The following PCDHA9 variants were observed in gnomAD, a reference collection of about 807,000 sequenced individuals.
PCDHA9 encodes the protein protocadherin alpha-9.
In PCDHA9, 62 loss-of-function variants were observed where a neutral mutation model predicts 62.0. The observed-to-expected ratio is 1.00, with a 90% confidence interval of 0.81 to 1.23. PCDHA9 has a LOEUF of 1.23. Ranked by LOEUF, PCDHA9 falls within the 50% of genes most tolerant of loss-of-function variation. The pLI is 0.00. For synonymous variants in PCDHA9, 557 were observed against 567.6 expected, an observed-to-expected ratio of 0.98 and a Z score of 0.27; for missense variants, 1,205 against 1,249.8, an observed-to-expected ratio of 0.96 and a Z score of 0.54.
intron 1 of PCDHA9, chr5:140,851,710 G>C: frequency 1.0e-6 from 1 of 958,600 alleles, no homozygotes; most frequent in Non-Finnish European, 1.3e-6. Context: ...GCCATGTGAA[G>C]ATTCGAAACT....
intron 1 of PCDHA9, chr5:140,883,325 A>C: frequency 6.2e-7 from 1 of 1,614,118 alleles, no homozygotes; most frequent in Non-Finnish European, 8.5e-7. Context: ...GGTTACCATC[A>C]CTTCTTTGTC....
At chr5:140,967,221 A>G (rs1198233262) in intron 1 of PCDHA9, 3 of 1,613,620 alleles carry the variant, frequency 1.9e-6, no homozygotes, top group African/African-American at 1.3e-5. Context: ...CCGCGGCCCA[A>G]CTACCAGCTT....
At position 140,851,057 on chromosome 5, in the gene PCDHA9, C is replaced by T; in HGVS notation, c.2394+168C>T. The T allele has an allele frequency of 2.9e-6, 4 of 1,378,132 alleles. No homozygotes were observed. In the African/African-American group the frequency reaches 4.4e-5, roughly 15 times the overall value. 85.4% of individuals were successfully genotyped at this position (1,378,132 alleles called of 1,614,324 possible). ...AACATTGGAGCCGACTTTGTCTTGA[C>T]TTCTAGTGAGAATTATAAACTGTAT... On this transcript the variant is annotated intron_variant, in intron 1 of 3. Transcript: ENST00000532602.
intron 1 of PCDHA9, among the ~76,000 whole-genome samples, chr5:140,945,463 A>G (rs1554216960): frequency 6.6e-6 from 1 of 152,166 alleles, no homozygotes; most frequent in African/African-American, 2.4e-5. Flanking sequence ...TAAAATTTGC[A>G]TGGAACCACA....
intron 1 of PCDHA9, chr5:140,926,754 C>T: frequency 1.6e-6 from 2 of 1,283,492 alleles, no homozygotes; most frequent in Non-Finnish European, 2.0e-6. Flanking sequence ...TCGGCGGTCG[C>T]TGAGTATCCA....
intron 3 of PCDHA9, among the ~76,000 whole-genome samples, chr5:140,992,722 C>T (rs1455058842): frequency 1.3e-5 from 2 of 152,154 alleles, no homozygotes; most frequent in Non-Finnish European, 2.9e-5. Context: ...ATTCGTAAAT[C>T]CCACCTGCTT....
intron 1 of PCDHA9, among the ~76,000 whole-genome samples, chr5:140,896,682 C>A (rs573518532): frequency 6.6e-6 from 1 of 152,124 alleles, no homozygotes; most frequent in African/African-American, 2.4e-5. Flanking sequence ...CGGCCCTTTG[C>A]CCATTTTTTG....
chr5:140,857,481 C>G (rs1554150087), intron 1 of PCDHA9: 1 of 1,598,530 alleles, frequency 6.3e-7, no homozygotes, highest in Non-Finnish European at 8.6e-7. Flanking sequence ...ACGGTGTCTG[C>G]GTGGGACGCG....
Position 140,848,511 on chromosome 5 carries a change from C to T in PCDHA9, c.16C>T (p.Arg6Ter). Residue 6 changes from arginine to a stop codon, truncating the protein, a stop_gained, in exon 1 of 4, where the codon CGA becomes TGA. Coordinates refer to ENST00000532602, the MANE Select transcript of PCDHA9 (RefSeq NM_031857.2). LOFTEE classifies it high-confidence loss of function. The part of the protein sequence containing the change: MLYSS[R>*]GDPEGQPLLL... ...AGTATTTGAAATGTTATACTCAAGT[C>T]GAGGAGATCCAGAGGGTCAGCCTCT... is the stretch of plus-strand genomic sequence containing the variant. The T allele has an allele frequency of 6.3e-7, 1 of 1,589,730 alleles. No individual in the cohort carries two copies. The highest frequency in any genetic ancestry group is 8.6e-7 in the Non-Finnish European group (1 of 1,162,404).
At chr5:140,883,642 C>T (rs200197885) in intron 1 of PCDHA9, 1 of 1,613,904 alleles carries the variant, frequency 6.2e-7, no homozygotes, top group South Asian at 1.1e-5. Context: ...TCGCGCAGCC[C>T]GAGTACACGG....
At chr5:140,882,732 A>C in intron 1 of PCDHA9, 1 of 1,614,228 alleles carries the variant, frequency 6.2e-7, no homozygotes, top group Non-Finnish European at 8.5e-7. Context: ...TTTCCACTAG[A>C]TGGCGCATCC....
chr5:140,901,953 G>A (rs545807968), intron 1 of PCDHA9, among the ~76,000 whole-genome samples: 8 of 151,830 alleles, frequency 5.3e-5, no homozygotes, highest in Non-Finnish European at 7.4e-5. Flanking sequence ...AGTTTTATTC[G>A]TGGCTATCGT....
chr5:140,902,191 C>G (rs1218204978), intron 1 of PCDHA9, among the ~76,000 whole-genome samples: 1 of 147,360 alleles, frequency 6.8e-6, no homozygotes, highest in Non-Finnish European at 1.5e-5. Context: ...TGTCTTCTCT[C>G]TCTCTCTCTT....
intron 1 of PCDHA9, among the ~76,000 whole-genome samples, chr5:140,881,833 A>G (rs1371458560): frequency 6.6e-6 from 1 of 152,252 alleles, no homozygotes; most frequent in Non-Finnish European, 1.5e-5. Flanking sequence ...AAAGTTCTGC[A>G]TGGAATTCTT....
Position 140,923,938 on chromosome 5 carries a change from CT to C in PCDHA9, c.2395-55005del, listed in dbSNP as rs1340709876. 2.6e-5 allele frequency among the ~76,000 whole-genome samples: 4 copies of C among 152,122 alleles called. No homozygotes were observed. In the East Asian group the frequency reaches 7.7e-4, roughly 29 times the overall value. On this transcript the variant is annotated intron_variant, in intron 1 of 3. Coordinates refer to ENST00000532602, the MANE Select transcript of PCDHA9 (RefSeq NM_031857.2). ...ATACTGTTCTCTGTATGCATTTTTC[CT>C]TTTTTCCTCACGCCCTAATCTATAC... is the stretch of plus-strand genomic sequence containing the variant.
chr5:140,876,297 A>G, intron 1 of PCDHA9: 1 of 1,614,092 alleles, frequency 6.2e-7, no homozygotes, highest in Non-Finnish European at 8.5e-7. Flanking sequence ...GACTTAATGG[A>G]GAAATTTCCT....
intron 1 of PCDHA9, chr5:140,884,520 C>G (rs782029549): frequency 4.3e-6 from 7 of 1,613,918 alleles, no homozygotes; most frequent in Middle Eastern, 1.6e-4. Flanking sequence ...TGGTCGTACT[C>G]GCAGCAGAGG....
intron 1 of PCDHA9, chr5:140,853,946 G>A (rs2042919136): frequency 1.2e-6 from 1 of 805,184 alleles, no homozygotes; most frequent in Non-Finnish European, 1.5e-6. Flanking sequence ...AGGTGGGAGG[G>A]TCCCTTCCTT....
chr5:140,883,632 T>C (rs782762437), intron 1 of PCDHA9: 1 of 1,613,936 alleles, frequency 6.2e-7, no homozygotes, highest in South Asian at 1.1e-5. Flanking sequence ...GCGCCGGCGT[T>C]CGCGCAGCCC....
Sources: gnomAD v4.1 joint callset for allele counts (sites outside exome capture counted in the v4.1 genomes callset) on GRCh38, gnomAD v4.1.1 for gene constraint, MANE v1.5 for transcripts, NCBI Gene and HGNC (gene_info 2026-07-23, HGNC 2026-07-21) for gene names.